Variants in MARCHF5 observed in about 807,000 individuals in gnomAD.
MARCHF5 encodes the protein membrane associated ring-CH-type finger 5.
MARCHF5 carries 5 observed loss-of-function variants against 36.5 expected under a neutral mutation model. The ratio of observed to expected loss-of-function variants is 0.14; its 90% confidence interval spans 0.07 to 0.29. The LOEUF is 0.29. Among genes scored for constraint, MARCHF5 ranks in the 10% least tolerant of loss-of-function variants. The pLI is 1.00. For missense variants in MARCHF5, 179 were observed against 336.3 expected (o/e 0.53, Z 3.66); for synonymous variants, 103 against 109.9 (o/e 0.94, Z 0.39).
At chr10:92,291,553 C>G (rs202130932) in intron 1 of MARCHF5, 24 bp downstream of exon 1, 12 of 1,525,802 alleles carry the variant, frequency 7.9e-6, no homozygotes, top group African/African-American at 1.4e-5. Flanking sequence ...TGGGGGGGAC[C>G]GGGAGCCGCC....
intron 1 of MARCHF5, among the ~76,000 whole-genome samples, chr10:92,307,416 A>G (rs1843088698): frequency 6.6e-6 from 1 of 152,230 alleles, no homozygotes; most frequent in Non-Finnish European, 1.5e-5. Context: ...TAAGATAGCA[A>G]ATCAGTTAAT....
At chr10:92,306,422 T>C (rs1041764630) in intron 1 of MARCHF5, among the ~76,000 whole-genome samples, 1 of 152,190 alleles carries the variant, frequency 6.6e-6, no homozygotes, top group African/African-American at 2.4e-5. Flanking sequence ...ACGGCTAATG[T>C]TGGAGGGAAG....
At chr10:92,307,034 G>A (rs1470474525) in intron 1 of MARCHF5, among the ~76,000 whole-genome samples, 1 of 152,092 alleles carries the variant, frequency 6.6e-6, no homozygotes, top group Non-Finnish European at 1.5e-5. Context: ...AGGGGAGGGG[G>A]CAGGAAGCTA....
Position 92,301,069 on chromosome 10 carries a change from T to C in MARCHF5, c.35+9540T>C, listed in dbSNP as rs370247705. ...CTCAGCTAATTTTTTGTATTTTTAG[T>C]AGAAACAGGGTTTCACTGTTTTGGC... On this transcript the variant is annotated intron_variant, in intron 1 of 5. Coordinates refer to ENST00000358935, the MANE Select transcript of MARCHF5 (RefSeq NM_017824.5). 1.6e-4 allele frequency among the ~76,000 whole-genome samples: 25 copies of C among 152,172 alleles called. No individual in the cohort carries two copies. In the South Asian group the frequency reaches 3.7e-3, roughly 23 times the overall value.
At chr10:92,334,925 T>G (rs1843485456) in intron 2 of MARCHF5, among the ~76,000 whole-genome samples, 1 of 152,230 alleles carries the variant, frequency 6.6e-6, no homozygotes, top group Admixed American at 6.5e-5. Flanking sequence ...GTTTCCCTGC[T>G]AATTCCAAGC....
chr10:92,330,085 C>T (rs1191619223), intron 2 of MARCHF5, among the ~76,000 whole-genome samples: 2 of 152,174 alleles, frequency 1.3e-5, no homozygotes, highest in Non-Finnish European at 2.9e-5. Context: ...TCAGGTGATT[C>T]ACCCGCCTTG....
chr10:92,324,173 A>G lies in MARCHF5; in HGVS notation c.238+12836A>G, dbSNP rs77234128. On this transcript the variant is annotated intron_variant, in intron 2 of 5. Coordinates refer to ENST00000358935, the MANE Select transcript of MARCHF5 (RefSeq NM_017824.5). ...ACATCTTTGCATTTGTTTATATGCC[A>G]TCTGTATATCTTCTTTGATGAGGTG... Among the ~76,000 whole-genome samples, 109 of 152,306 alleles carry G rather than the reference A, an allele frequency of 7.2e-4. No homozygotes were observed. The East Asian group carries it at 0.015, about 22-fold the overall frequency.
chr10:92,339,044 CAA>C (rs530962202), intron 2 of MARCHF5, among the ~76,000 whole-genome samples: 1 of 146,776 alleles, frequency 6.8e-6, no homozygotes, highest in African/African-American at 2.5e-5. Context: ...AACTCTGTCT[CAA>C]AAAAAAAAAA....
chr10:92,340,035 C>G (rs1182988651), intron 2 of MARCHF5, among the ~76,000 whole-genome samples: 2 of 152,000 alleles, frequency 1.3e-5, no homozygotes, highest in African/African-American at 4.8e-5. Flanking sequence ...GAAAATGGCC[C>G]TGGTTACCTT....
intron 3 of MARCHF5, among the ~76,000 whole-genome samples, chr10:92,345,370 G>A (rs1843629729): frequency 6.6e-6 from 1 of 151,978 alleles, no homozygotes; most frequent in Non-Finnish European, 1.5e-5. Context: ...GAAAAAATTA[G>A]GCATAGTGGC....
chr10:92,325,699 A>C (rs1843348848), intron 2 of MARCHF5, among the ~76,000 whole-genome samples: 1 of 152,086 alleles, frequency 6.6e-6, no homozygotes, highest in South Asian at 2.1e-4. Flanking sequence ...TTTATTTGAG[A>C]TGGAGTCTTG....
chr10:92,294,806 G>A (rs897356987), intron 1 of MARCHF5, among the ~76,000 whole-genome samples: 1 of 152,194 alleles, frequency 6.6e-6, no homozygotes, highest in East Asian at 1.9e-4. Context: ...GGGAGGCCGA[G>A]ATGAGAGGAT....
intron 2 of MARCHF5, among the ~76,000 whole-genome samples, chr10:92,328,015 T>G (rs1211506785): frequency 6.6e-6 from 1 of 152,156 alleles, no homozygotes; most frequent in Non-Finnish European, 1.5e-5. Context: ...CTCTCTGGTC[T>G]TCTTCCCTGA....
intron 3 of MARCHF5, among the ~76,000 whole-genome samples, chr10:92,345,543 T>G (rs1259648313): frequency 6.6e-6 from 1 of 152,094 alleles, no homozygotes; most frequent in Non-Finnish European, 1.5e-5. Flanking sequence ...AGCTCAGACC[T>G]TAATTAAAAC....
chr10:92,330,227 G>A (rs968705538), intron 2 of MARCHF5, among the ~76,000 whole-genome samples: 2 of 152,132 alleles, frequency 1.3e-5, no homozygotes. Context: ...AGTTCCTTTT[G>A]TTTACTGCTG....
chr10:92,322,439 CTT>C (rs575122002), intron 2 of MARCHF5, among the ~76,000 whole-genome samples: 21 of 120,416 alleles, frequency 1.7e-4, no homozygotes, highest in Admixed American at 3.4e-4. Context: ...TCTTTTTGTC[CTT>C]TTTTTTTTTT....
chr10:92,313,427 A>AC (rs1351653659), intron 2 of MARCHF5, among the ~76,000 whole-genome samples: 3 of 151,224 alleles, frequency 2.0e-5, no homozygotes, highest in African/African-American at 7.3e-5. Flanking sequence ...ACACAGTGAA[A>AC]CCCCATCTCT....
intron 2 of MARCHF5, among the ~76,000 whole-genome samples, chr10:92,316,046 C>T (rs1319811823): frequency 2.0e-5 from 3 of 152,050 alleles, no homozygotes. Context: ...TGCCATTGGT[C>T]CCCAAAGACA....
intron 2 of MARCHF5, among the ~76,000 whole-genome samples, chr10:92,322,975 A>ATCCACCCACCTTGGCC (rs1222100297): frequency 2.0e-5 from 3 of 152,018 alleles, no homozygotes; most frequent in Non-Finnish European, 4.4e-5. Flanking sequence ...TGACCTCGTG[A>ATCCACCCACCTTGGCC]TCCACCCACC....
Sources: gnomAD v4.1 joint callset for allele counts (sites outside exome capture counted in the v4.1 genomes callset) on GRCh38, gnomAD v4.1.1 for gene constraint, MANE v1.5 for transcripts, NCBI Gene and HGNC (gene_info 2026-07-23, HGNC 2026-07-21) for gene names.